The following SNX14 variants were observed in gnomAD, a reference collection of about 807,000 sequenced individuals.
SNX14 encodes sorting nexin-14.
A neutral mutation model predicts 133.8 loss-of-function variants in SNX14; 93 were observed. That is an observed-to-expected ratio of 0.70 (90% CI 0.59 to 0.83). The LOEUF (loss-of-function observed/expected upper bound fraction) is 0.83, where lower values mean the gene tolerates loss of function less well. SNX14 is among the 40% of genes least tolerant of loss of function. The pLI, the probability that SNX14 is intolerant of heterozygous loss-of-function variation, is 0.00. For missense variants in SNX14, 945 were observed against 1,094.9 expected, an observed-to-expected ratio of 0.86 and a Z score of 1.93; for synonymous variants, 368 against 365.6, an observed-to-expected ratio of 1.01 and a Z score of -0.07.
chr6:85,523,776 T>C (rs1167905054), intron 21 of SNX14, among the ~76,000 whole-genome samples: 4 of 147,890 alleles, frequency 2.7e-5, no homozygotes, highest in African/African-American at 9.9e-5. Flanking sequence ...AAAAAAAAGA[T>C]GTGTAGTGAG....
intron 24 of SNX14, 102 bp from the exon 25 acceptor site, chr6:85,514,336 T>A: frequency 6.8e-7 from 1 of 1,470,354 alleles, no homozygotes; most frequent in Non-Finnish European, 9.2e-7. Flanking sequence ...AATATTTTAT[T>A]TGTAAACACT....
chr6:85,573,123 T>C (rs1370363329), intron 2 of SNX14, among the ~76,000 whole-genome samples: 2 of 152,082 alleles, frequency 1.3e-5, no homozygotes, highest in African/African-American at 2.4e-5. Context: ...TTCCTCTGAG[T>C]AGAAATACCA....
intron 15 of SNX14, 21 bp downstream of exon 15, chr6:85,541,964 A>G: frequency 1.3e-6 from 2 of 1,580,844 alleles, no homozygotes; most frequent in Non-Finnish European, 1.7e-6. Context: ...AGCAAGTTCA[A>G]AAACAAAACA....
At chr6:85,510,923 C>T (rs914347516) in intron 26 of SNX14, among the ~76,000 whole-genome samples, 3 of 152,126 alleles carry the variant, frequency 2.0e-5, no homozygotes, top group African/African-American at 7.2e-5. Context: ...TTTTGCCTCT[C>T]CATATAAACT....
chr6:85,507,566 A>G (rs1231228791), intron 27 of SNX14, among the ~76,000 whole-genome samples: 3 of 152,210 alleles, frequency 2.0e-5, no homozygotes, highest in East Asian at 3.8e-4. Context: ...TAGAAAAACA[A>G]GAACACAAAA....
chr6:85,582,258 CA>C (rs1294941860), intron 1 of SNX14, among the ~76,000 whole-genome samples: 1 of 152,046 alleles, frequency 6.6e-6, no homozygotes, highest in Non-Finnish European at 1.5e-5. Context: ...GTATATCCAG[CA>C]AAAATACCCT....
At chr6:85,538,416 T>C (rs925951395) in intron 16 of SNX14, among the ~76,000 whole-genome samples, 9 of 152,182 alleles carry the variant, frequency 5.9e-5, no homozygotes, top group Middle Eastern at 7.0e-3. Flanking sequence ...TATAAAACAA[T>C]GGGGGTTGTT....
At chr6:85,574,722 A>G (rs1003112081) in intron 1 of SNX14, among the ~76,000 whole-genome samples, 13 of 152,334 alleles carry the variant, frequency 8.5e-5, no homozygotes, top group African/African-American at 3.1e-4. Context: ...TACATCAAAA[A>G]AATTTTACTA....
rs1793221030 is a variant in SNX14, at chr6:85,564,878, A to ACT, written c.549+452_549+453dup. Among the ~76,000 whole-genome samples the ACT allele has an allele frequency of 5.3e-5, 8 of 151,788 alleles. 1 individual carries two copies. The highest frequency in any genetic ancestry group is 1.9e-4 in the African/African-American group (8 of 41,402). On this transcript the variant is annotated intron_variant, in intron 6 of 28. Transcript: ENST00000314673. ...GTGGCATATTCCTGTAGTCCCAGCTACTCGAGAGGCTGAGGCAGGAGAATC... is the reference window on the plus strand; with the variant it reads ...GTGGCATATTCCTGTAGTCCCAGCTACTCTCGAGAGGCTGAGGCAGGAGAATC...
At chr6:85,583,568 A>G (rs1799716505) in intron 1 of SNX14, among the ~76,000 whole-genome samples, 1 of 152,220 alleles carries the variant, frequency 6.6e-6, no homozygotes, top group Non-Finnish European at 1.5e-5. Context: ...AGGATACAAA[A>G]TCAATGGCAA....
intron 26 of SNX14, chr6:85,508,273 G>T: frequency 1.0e-5 from 11 of 1,077,732 alleles, no homozygotes; most frequent in East Asian, 4.9e-5. Context: ...CATTTTTGGA[G>T]ATTCACAATG....
chr6:85,566,928 C>A (rs1424508502), intron 5 of SNX14, among the ~76,000 whole-genome samples: 1 of 151,964 alleles, frequency 6.6e-6, no homozygotes, highest in Non-Finnish European at 1.5e-5. Flanking sequence ...TCTGTATCTT[C>A]AAAAGCACAA....
At chr6:85,546,353 A>C (rs1273722713) in intron 12 of SNX14, among the ~76,000 whole-genome samples, 1 of 152,236 alleles carries the variant, frequency 6.6e-6, no homozygotes, top group South Asian at 2.1e-4. Flanking sequence ...TTTTAAAAAG[A>C]AATTAAATGC....
chr6:85,549,667 C>T (rs1787051439), intron 8 of SNX14, 56 bp downstream of exon 8: 2 of 1,460,176 alleles, frequency 1.4e-6, no homozygotes, highest in Non-Finnish European at 1.8e-6. Context: ...CCAAAAATAG[C>T]AATATACATA....
chr6:85,583,905 A>C (rs1799838064), intron 1 of SNX14, among the ~76,000 whole-genome samples: 1 of 152,220 alleles, frequency 6.6e-6, no homozygotes, highest in Admixed American at 6.5e-5. Flanking sequence ...AATACTTTAA[A>C]TTTCATATGG....
intron 1 of SNX14, among the ~76,000 whole-genome samples, chr6:85,578,965 G>A (rs192398876): frequency 1.3e-5 from 2 of 151,980 alleles, no homozygotes; most frequent in Admixed American, 1.3e-4. Context: ...ATGAAACCAC[G>A]TCTCTACTAA....
chr6:85,583,552 A>T (rs527249226), intron 1 of SNX14, among the ~76,000 whole-genome samples: 21 of 152,370 alleles, frequency 1.4e-4, no homozygotes, highest in Non-Finnish European at 1.5e-5. Context: ...ACTTCAGCAA[A>T]GTCTCAGGAT....
chr6:85,578,789 G>A (rs1283653050), intron 1 of SNX14, among the ~76,000 whole-genome samples: 1 of 152,178 alleles, frequency 6.6e-6, no homozygotes, highest in Non-Finnish European at 1.5e-5. Flanking sequence ...CAGTGTGACT[G>A]ACTAAATGAA....
intron 7 of SNX14, among the ~76,000 whole-genome samples, chr6:85,551,246 T>C (rs189261536): frequency 8.5e-5 from 13 of 152,324 alleles, no homozygotes; most frequent in African/African-American, 3.1e-4. Flanking sequence ...AGCAGTTATA[T>C]ACTCTGTGTT....
Sources: gnomAD v4.1 joint callset for allele counts (sites outside exome capture counted in the v4.1 genomes callset) on GRCh38, gnomAD v4.1.1 for gene constraint, MANE v1.5 for transcripts, NCBI Gene and HGNC (gene_info 2026-07-23, HGNC 2026-07-21) for gene names.